Variants in PTPRR observed in about 807,000 individuals in gnomAD.
The protein encoded by PTPRR is receptor-type tyrosine-protein phosphatase R.
A neutral mutation model predicts 77.2 loss-of-function variants in PTPRR; 38 were observed. The ratio of observed to expected loss-of-function variants is 0.49; its 90% CI spans 0.38 to 0.65. The LOEUF (loss-of-function observed/expected upper bound fraction) is 0.65, where lower values mean the gene tolerates loss of function less well. PTPRR is among the 30% of genes least tolerant of loss of function. PTPRR has a pLI of 0.00. For synonymous variants in PTPRR, 299 were observed against 283.1 expected (o/e 1.06, Z -0.57); for missense variants, 744 against 799.2 (o/e 0.93, Z 0.83).
At chr12:70,671,032 T>A (rs927523918) in intron 10 of PTPRR, among the ~76,000 whole-genome samples, 4 of 152,240 alleles carry the variant, frequency 2.6e-5, no homozygotes, top group Admixed American at 6.5e-5. Flanking sequence ...GAAAGTTGCA[T>A]GAAACTATAA....
At chr12:70,878,868 T>C (rs1161417519) in intron 2 of PTPRR, among the ~76,000 whole-genome samples, 1 of 152,124 alleles carries the variant, frequency 6.6e-6, no homozygotes, top group African/African-American at 2.4e-5. Flanking sequence ...CCATCAATCA[T>C]AGACTGGATT....
At chr12:70,666,276 C>T (rs898670321) in intron 10 of PTPRR, among the ~76,000 whole-genome samples, 1 of 152,190 alleles carries the variant, frequency 6.6e-6, no homozygotes, top group Non-Finnish European at 1.5e-5. Flanking sequence ...TGACTCTTAA[C>T]CAATGCTACT....
At chr12:70,783,220 C>A (rs1351713004) in intron 2 of PTPRR, among the ~76,000 whole-genome samples, 2 of 152,144 alleles carry the variant, frequency 1.3e-5, no homozygotes, top group African/African-American at 4.8e-5. Context: ...AGGAGACCCA[C>A]TGTTGATAGC....
intron 3 of PTPRR, 54 bp downstream of exon 3, chr12:70,764,611 A>C: frequency 1.4e-6 from 2 of 1,455,998 alleles, no homozygotes; most frequent in Non-Finnish European, 1.9e-6. Flanking sequence ...TTAGTGATTA[A>C]AAAAACCACA....
intron 4 of PTPRR, chr12:70,754,811 T>G: frequency 7.4e-7 from 1 of 1,349,144 alleles, no homozygotes; most frequent in Non-Finnish European, 9.8e-7. Context: ...TTTAATCACA[T>G]CTTTTTTTTT....
At chr12:70,840,962 T>C (rs1371825806) in intron 2 of PTPRR, among the ~76,000 whole-genome samples, 2 of 131,032 alleles carry the variant, frequency 1.5e-5, no homozygotes, top group African/African-American at 3.2e-5. Context: ...CTGTCTTGAG[T>C]TTTTATGGCT....
At chr12:70,806,934 T>TC (rs1319974285) in intron 2 of PTPRR, among the ~76,000 whole-genome samples, 3 of 152,172 alleles carry the variant, frequency 2.0e-5, no homozygotes, top group Non-Finnish European at 4.4e-5. Context: ...TCTTGCCATT[T>TC]CCCACAAGAC....
chr12:70,828,796 AC>A (rs1446573518), intron 2 of PTPRR, among the ~76,000 whole-genome samples: 4 of 152,196 alleles, frequency 2.6e-5, no homozygotes, highest in Non-Finnish European at 5.9e-5. Context: ...CTCAGAATAA[AC>A]CACTTAATGT....
chr12:70,882,677 C>T (rs1205789286), intron 2 of PTPRR, among the ~76,000 whole-genome samples: 1 of 151,976 alleles, frequency 6.6e-6, no homozygotes, highest in African/African-American at 2.4e-5. Context: ...CCTTGACAGA[C>T]ATTTTCTAAT....
chr12:70,914,682 G>A (rs965308165), intron 1 of PTPRR, among the ~76,000 whole-genome samples: 5 of 152,124 alleles, frequency 3.3e-5, no homozygotes, highest in African/African-American at 9.7e-5. Flanking sequence ...GTGGGGCCAG[G>A]TACTGTGGCT....
chr12:70,860,575 A>C (rs891435666), intron 2 of PTPRR, among the ~76,000 whole-genome samples: 2 of 152,142 alleles, frequency 1.3e-5, no homozygotes, highest in Non-Finnish European at 2.9e-5. Flanking sequence ...TACCTTACTT[A>C]TGTATGTTCA....
intron 2 of PTPRR, among the ~76,000 whole-genome samples, chr12:70,818,395 CAT>C (rs1891945278): frequency 1.3e-5 from 2 of 151,972 alleles, no homozygotes; most frequent in African/African-American, 4.8e-5. Context: ...CAATGTAAAA[CAT>C]TAACAATGGG....
In PTPRR at chr12:70,909,875, GT is replaced by G. The variant is rs984441337; in HGVS notation, c.58+10457del. Among the ~76,000 whole-genome samples the G allele has an allele frequency of 2.0e-5, 3 of 152,004 alleles. 1 individual carries two copies. The highest frequency in any genetic ancestry group is 4.2e-4 in the South Asian group (2 of 4,798). ...GTGGCAGTGCCTCTGGTGGTTAGAG[GT>G]TTTTTTTCTCTTATATACTTGTTTT... On this transcript the variant is annotated intron_variant, in intron 1 of 13. Transcript: ENST00000283228.
chr12:70,721,517 A>T (rs1490727369), intron 6 of PTPRR, among the ~76,000 whole-genome samples: 2 of 152,190 alleles, frequency 1.3e-5, no homozygotes, highest in Non-Finnish European at 2.9e-5. Context: ...GGGAGGAATT[A>T]TAAAATATAT....
intron 13 of PTPRR, among the ~76,000 whole-genome samples, chr12:70,649,591 T>C (rs887624518): frequency 2.0e-5 from 3 of 152,196 alleles, no homozygotes; most frequent in Non-Finnish European, 4.4e-5. Context: ...CCACCACCTT[T>C]GTTTTTTTGA....
chr12:70,863,861 C>T (rs553863719), intron 2 of PTPRR, among the ~76,000 whole-genome samples: 4 of 152,270 alleles, frequency 2.6e-5, no homozygotes, highest in Admixed American at 2.0e-4. Flanking sequence ...CAAAGCGAAA[C>T]TCTTGGTTGC....
At chr12:70,883,760 G>C (rs2137107229) in intron 2 of PTPRR, among the ~76,000 whole-genome samples, 1 of 152,278 alleles carries the variant, frequency 6.6e-6, no homozygotes, top group African/African-American at 2.4e-5. Flanking sequence ...AAAAATGAAA[G>C]GATTAGTTAG....
chr12:70,914,872 A>T (rs1378047943), intron 1 of PTPRR, among the ~76,000 whole-genome samples: 1 of 152,188 alleles, frequency 6.6e-6, no homozygotes, highest in African/African-American at 2.4e-5. Flanking sequence ...AAAGATTACT[A>T]TGGAATATAC....
rs1239502887 is a variant in PTPRR, at chr12:70,827,714, T to C, written c.358-62936A>G. ...GTGCCTGCCACCACACCTGGCTTTT[T>C]TTTTTTTTTTTTTTTTTTTTTGAGA... On this transcript the variant is annotated intron_variant, in intron 2 of 13. Transcript: ENST00000283228. 1.1e-4 allele frequency among the ~76,000 whole-genome samples: 14 copies of C among 129,438 alleles called. No individual in the cohort carries two copies. The East Asian group carries it at 1.7e-3, about 16-fold the overall frequency. 84.9% of individuals were successfully genotyped at this position (129,438 alleles called of 152,430 possible).
Sources: gnomAD v4.1 joint callset for allele counts (sites outside exome capture counted in the v4.1 genomes callset) on GRCh38, gnomAD v4.1.1 for gene constraint, MANE v1.5 for transcripts, NCBI Gene and HGNC (gene_info 2026-07-23, HGNC 2026-07-21) for gene names.